The following PDXDC1 variants were observed in gnomAD, a reference collection of about 807,000 sequenced individuals.
PDXDC1 encodes the protein pyridoxal dependent decarboxylase domain containing 1.
A neutral mutation model predicts 100.1 loss-of-function variants in PDXDC1; 42 were observed. That is an observed-to-expected ratio of 0.42 (90% confidence interval 0.33 to 0.54). The LOEUF (loss-of-function observed/expected upper bound fraction) is 0.54. PDXDC1 is among the 20% of genes least tolerant of loss of function. The pLI is 0.10. For synonymous variants in PDXDC1, 260 were observed against 371.7 expected, an observed-to-expected ratio of 0.70 and a Z score of 3.46; for missense variants, 636 against 979.2, an observed-to-expected ratio of 0.65 and a Z score of 4.68.
intron 16 of PDXDC1, among the ~76,000 whole-genome samples, chr16:15,083,081 A>G (rs2045770921): frequency 1.3e-5 from 2 of 152,154 alleles, no homozygotes; most frequent in African/African-American, 4.8e-5. Flanking sequence ...GTCAGTTTAA[A>G]GTCTAGAAGA....
chr16:15,150,124 C>G, the PDXDC1 span, among the ~76,000 whole-genome samples: 1 of 152,014 alleles, frequency 6.6e-6, no homozygotes, highest in Non-Finnish European at 1.5e-5. Flanking sequence ...GCGGGTGGAT[C>G]ACGAGGTCAG....
chr16:15,020,107 G>A (rs1249023325), intron 12 of PDXDC1, among the ~76,000 whole-genome samples: 4 of 100,378 alleles, frequency 4.0e-5, no homozygotes, highest in African/African-American at 7.9e-5. Context: ...GCGAGGCTCC[G>A]TCTCAAAAAA....
the PDXDC1 span, among the ~76,000 whole-genome samples, chr16:15,150,205 A>G: frequency 6.6e-6 from 1 of 151,900 alleles, no homozygotes; most frequent in South Asian, 2.1e-4. Flanking sequence ...TTAGCTGGGC[A>G]TGGTGGCGGG....
intron 16 of PDXDC1, among the ~76,000 whole-genome samples, chr16:15,136,355 G>A (rs372537760): frequency 7.2e-5 from 11 of 152,290 alleles, no homozygotes; most frequent in East Asian, 1.9e-4. Flanking sequence ...CCCGTATGGC[G>A]TGCCCAGGAG....
intron 16 of PDXDC1, among the ~76,000 whole-genome samples, chr16:15,091,617 A>G (rs1301066415): frequency 4.6e-5 from 7 of 152,260 alleles, no homozygotes; most frequent in South Asian, 2.1e-4. Context: ...ACATTTGAAT[A>G]TAATAGTTGA....
chr16:15,095,374 A>G (rs1378261049), intron 16 of PDXDC1, among the ~76,000 whole-genome samples: 2 of 151,970 alleles, frequency 1.3e-5, no homozygotes, highest in Non-Finnish European at 2.9e-5. Flanking sequence ...GTGAAACTCC[A>G]TCTCTACAAA....
At chr16:15,083,753 G>C (rs935244802) in intron 16 of PDXDC1, 5 of 828,486 alleles carry the variant, frequency 6.0e-6, no homozygotes, top group African/African-American at 5.2e-5. Context: ...TTTCGCTCTT[G>C]TTGCCCAGGC....
intron 16 of PDXDC1, chr16:15,104,172 C>CAAA: frequency 5.0e-6 from 3 of 602,496 alleles, no homozygotes; most frequent in Non-Finnish European, 4.6e-6. Context: ...ACTCCAGTCT[C>CAAA]AAAAAAAAAA....
chr16:15,080,794 A>G (rs1180853790), intron 16 of PDXDC1, among the ~76,000 whole-genome samples: 1 of 150,006 alleles, frequency 6.7e-6, no homozygotes, highest in African/African-American at 2.4e-5. Context: ...AAAAATGAAG[A>G]CCTTGGCAAC....
chr16:15,128,169 G>A (rs746276988), intron 16 of PDXDC1: 6 of 1,609,740 alleles, frequency 3.7e-6, no homozygotes, highest in Middle Eastern at 2.2e-4. Flanking sequence ...CAGGCTCGCA[G>A]GGCGCCCCAA....
At chr16:15,143,008 C>G (rs1393800826), downstream of PDXDC1, among the ~76,000 whole-genome samples, 2 of 152,156 alleles carry the variant, frequency 1.3e-5, no homozygotes, top group Non-Finnish European at 1.5e-5. Context: ...GCCAGGTGCA[C>G]AGGGACAGCC....
intron 1 of PDXDC1, among the ~76,000 whole-genome samples, chr16:14,994,035 A>G (rs1971450082): frequency 6.6e-6 from 1 of 152,298 alleles, no homozygotes; most frequent in South Asian, 2.1e-4. Context: ...GATTCTGGAT[A>G]TTAGCCCTTT....
intron 16 of PDXDC1, among the ~76,000 whole-genome samples, chr16:15,099,249 C>T (rs1215822107): frequency 2.6e-5 from 4 of 151,516 alleles, no homozygotes; most frequent in Admixed American, 2.0e-4. Context: ...ATGGTGAAAC[C>T]CCATCTCTAC....
intron 16 of PDXDC1, among the ~76,000 whole-genome samples, chr16:15,122,344 G>C (rs1328996177): frequency 4.1e-5 from 6 of 146,594 alleles, no homozygotes; most frequent in South Asian, 2.3e-4. Context: ...TCCAGTAACT[G>C]GGATAACAGG....
At chr16:15,024,854 A>G (rs1439409792) in intron 13 of PDXDC1, among the ~76,000 whole-genome samples, 1 of 152,306 alleles carries the variant, frequency 6.6e-6, no homozygotes, top group Non-Finnish European at 1.5e-5. Context: ...GGTCGTCTTC[A>G]TCACTCTTAC....
At chr16:15,095,019 G>C (rs1464300027) in intron 16 of PDXDC1, among the ~76,000 whole-genome samples, 1 of 151,956 alleles carries the variant, frequency 6.6e-6, no homozygotes, top group Non-Finnish European at 1.5e-5. Context: ...CGTATTTTTA[G>C]TGGAGACGGG....
intron 16 of PDXDC1, among the ~76,000 whole-genome samples, chr16:15,053,676 C>T (rs1038700516): frequency 6.6e-6 from 1 of 151,890 alleles, no homozygotes; most frequent in Non-Finnish European, 1.5e-5. Flanking sequence ...TTTGGGAGGC[C>T]GAGACGGGCA....
At chr16:15,095,312 G>A (rs2046316102) in intron 16 of PDXDC1, among the ~76,000 whole-genome samples, 1 of 152,098 alleles carries the variant, frequency 6.6e-6, no homozygotes. Context: ...TGCAACTTTG[G>A]AAACTGTACA....
rs568576170 is a variant in PDXDC1 at position 15,128,772 on chromosome 16, C to T, written c.1400-10107C>T. On this transcript the variant is annotated intron_variant, in intron 16 of 16. Transcript: ENST00000535621. Reference sequence around the variant, plus strand: ...TAGACTGCAAAGCGTGAAGCTGTGTCACCTCCTCTCCCAGTGACAGACCCA... The same window carrying T: ...TAGACTGCAAAGCGTGAAGCTGTGTTACCTCCTCTCCCAGTGACAGACCCA... 8.6e-5 allele frequency among the ~76,000 whole-genome samples: 13 copies of T among 152,000 alleles called. No homozygotes were observed. The South Asian group carries it at 2.7e-3, about 32-fold the overall frequency.
Sources: gnomAD v4.1 joint callset for allele counts (sites outside exome capture counted in the v4.1 genomes callset) on GRCh38, gnomAD v4.1.1 for gene constraint, MANE v1.5 for transcripts, NCBI Gene and HGNC (gene_info 2026-07-23, HGNC 2026-07-21) for gene names.